Variants in GHR observed in about 807,000 individuals in gnomAD.
The protein encoded by GHR is GH receptor.
A neutral mutation model predicts 67.1 loss-of-function variants in GHR; 35 were observed. The observed-to-expected ratio is 0.52, with a 90% confidence interval of 0.40 to 0.69. The LOEUF (loss-of-function observed/expected upper bound fraction) is 0.69. Among genes scored for constraint, GHR ranks in the 30% least tolerant of loss-of-function variants. The probability of loss-of-function intolerance (pLI) is 0.00; values close to 1 mark genes in which losing one functional copy is unlikely to be tolerated. For synonymous variants in GHR, 272 were observed against 269.1 expected (o/e 1.01, Z -0.10); for missense variants, 792 against 764.6 (o/e 1.04, Z -0.42).
chr5:42,665,267 T>A (rs1755896749), intron 3 of GHR, among the ~76,000 whole-genome samples: 1 of 152,212 alleles, frequency 6.6e-6, no homozygotes, highest in Non-Finnish European at 1.5e-5. Context: ...CAAATGACTG[T>A]AAATCATGCT....
At chr5:42,618,363 A>G (rs764826400) in intron 2 of GHR, among the ~76,000 whole-genome samples, 1 of 152,150 alleles carries the variant, frequency 6.6e-6, no homozygotes, top group Non-Finnish European at 1.5e-5. Flanking sequence ...ACTACATACA[A>G]AAGTGACAGA....
At chr5:42,651,938 A>G (rs1309138003) in intron 3 of GHR, among the ~76,000 whole-genome samples, 1 of 152,164 alleles carries the variant, frequency 6.6e-6, no homozygotes, top group Non-Finnish European at 1.5e-5. Flanking sequence ...GCATAATTCA[A>G]TTGTATCCAT....
chr5:42,575,905 G>T (rs1750636834), intron 2 of GHR, among the ~76,000 whole-genome samples: 1 of 151,318 alleles, frequency 6.6e-6, no homozygotes, highest in Non-Finnish European at 1.5e-5. Flanking sequence ...AGGGTGGCGG[G>T]CACCTGTAGT....
rs543620503 is a variant in GHR at position 42,565,863 on chromosome 5, G to C, written c.-11-1G>C. 9.7e-5 allele frequency: 156 copies of C among 1,613,892 alleles called. No individual in the cohort carries two copies. Among genetic ancestry groups the C allele is most frequent in the Non-Finnish European group, 1.3e-4 (148 of 1,179,784 alleles). ...TTACCTTACCCTTTTTGTGATTGCA[G>C]GTCCTACAGGTATGGATCTCTGGCA... On this transcript the variant is annotated splice_acceptor_variant, in intron 1 of 9. Coordinates refer to ENST00000230882, the MANE Select transcript of GHR (RefSeq NM_000163.5). LOFTEE classifies it low-confidence loss of function (5UTR_SPLICE).
intron 2 of GHR, among the ~76,000 whole-genome samples, chr5:42,589,725 C>T (rs994052919): frequency 6.6e-6 from 1 of 152,112 alleles, no homozygotes; most frequent in Non-Finnish European, 1.5e-5. Flanking sequence ...TGACAGGTTT[C>T]CATGCATGAT....
chr5:42,531,876 G>A (rs751561693), intron 1 of GHR, among the ~76,000 whole-genome samples: 6 of 152,108 alleles, frequency 3.9e-5, no homozygotes, highest in Non-Finnish European at 8.8e-5. Context: ...AGGGGAGAGA[G>A]ATTGAGAACC....
At chr5:42,596,688 T>A (rs963931615) in intron 2 of GHR, among the ~76,000 whole-genome samples, 3 of 152,128 alleles carry the variant, frequency 2.0e-5, no homozygotes, top group Non-Finnish European at 2.9e-5. Context: ...TCAGCTCCTC[T>A]CCTGATATGA....
At chr5:42,663,000 A>G (rs1204715715) in intron 3 of GHR, among the ~76,000 whole-genome samples, 2 of 152,212 alleles carry the variant, frequency 1.3e-5, no homozygotes, top group Non-Finnish European at 2.9e-5. Context: ...TCTAGAAGAA[A>G]TGGATAAATT....
At chr5:42,598,752 C>A (rs1215774641) in intron 2 of GHR, among the ~76,000 whole-genome samples, 1 of 152,218 alleles carries the variant, frequency 6.6e-6, no homozygotes, top group South Asian at 2.1e-4. Flanking sequence ...CCAGACCCTC[C>A]TTCTGCCTCT....
At chr5:42,451,684 A>T (rs1744056753) in intron 1 of GHR, among the ~76,000 whole-genome samples, 1 of 147,968 alleles carries the variant, frequency 6.8e-6, no homozygotes, top group African/African-American at 2.6e-5. Flanking sequence ...CAGCTTGGGC[A>T]ACAGAGCAAG....
intron 1 of GHR, among the ~76,000 whole-genome samples, chr5:42,455,938 A>T (rs1045319790): frequency 6.6e-6 from 1 of 152,204 alleles, no homozygotes. Context: ...CAGTTTCCTC[A>T]TCTACAGAAT....
chr5:42,710,056 AC>A (rs1237480493), intron 6 of GHR, among the ~76,000 whole-genome samples: 23 of 151,914 alleles, frequency 1.5e-4, no homozygotes, highest in East Asian at 1.9e-4. Flanking sequence ...TAAAAAAAAA[AC>A]TTAAGAAAAA....
chr5:42,562,651 T>A (rs1458475925), intron 1 of GHR, among the ~76,000 whole-genome samples: 3 of 104,948 alleles, frequency 2.9e-5, no homozygotes, highest in Admixed American at 9.6e-5. Context: ...TTCCTTTTTT[T>A]TTTTTTTTTT....
intron 1 of GHR, among the ~76,000 whole-genome samples, chr5:42,563,265 T>C (rs1749718686): frequency 6.6e-6 from 1 of 152,184 alleles, no homozygotes; most frequent in East Asian, 1.9e-4. Flanking sequence ...CTAAGTGTCT[T>C]GGGAGATAAC....
intron 3 of GHR, among the ~76,000 whole-genome samples, chr5:42,640,089 T>A (rs1477813004): frequency 6.6e-6 from 1 of 152,178 alleles, no homozygotes; most frequent in Non-Finnish European, 1.5e-5. Flanking sequence ...AGATGCATTT[T>A]CTCTTTTGGG....
chr5:42,710,709 T>C (rs989034648), intron 6 of GHR, among the ~76,000 whole-genome samples: 12 of 152,192 alleles, frequency 7.9e-5, no homozygotes, highest in African/African-American at 2.7e-4. Flanking sequence ...TTATGATTTT[T>C]CTAGGACCTT....
At chr5:42,654,402 C>G (rs1335149137) in intron 3 of GHR, among the ~76,000 whole-genome samples, 1 of 152,166 alleles carries the variant, frequency 6.6e-6, no homozygotes, top group Non-Finnish European at 1.5e-5. Context: ...CAAGTTGTCC[C>G]TCTTTTCAAG....
intron 3 of GHR, among the ~76,000 whole-genome samples, chr5:42,665,689 A>G (rs1405215506): frequency 3.9e-5 from 6 of 152,030 alleles, no homozygotes; most frequent in Non-Finnish European, 5.9e-5. Flanking sequence ...TGCCACATGT[A>G]TACACATGTG....
chr5:42,439,677 T>C (rs1579700739), intron 1 of GHR, among the ~76,000 whole-genome samples: 1 of 151,340 alleles, frequency 6.6e-6, no homozygotes, highest in Non-Finnish European at 1.5e-5. Flanking sequence ...TCATCATAAG[T>C]CCTTACAGAA....
Sources: gnomAD v4.1 joint callset for allele counts (sites outside exome capture counted in the v4.1 genomes callset) on GRCh38, gnomAD v4.1.1 for gene constraint, MANE v1.5 for transcripts, NCBI Gene and HGNC (gene_info 2026-07-23, HGNC 2026-07-21) for gene names.